The following DCAF8L2 variants were observed in gnomAD, a reference collection of about 807,000 sequenced individuals.
The protein encoded by DCAF8L2 is DDB1- and CUL4-associated factor 8-like protein 2.
For synonymous variants in DCAF8L2, 200 were observed against 190.9 expected (o/e 1.05, Z -0.39); for missense variants, 430 against 490.7 (o/e 0.88, Z 1.17).
At chrX:27,715,235 A>G (rs997066149) in intron 3 of DCAF8L2, among the ~76,000 whole-genome samples, 2 of 110,083 alleles carry the variant, frequency 1.8e-5, no homozygotes, top group African/African-American at 6.6e-5. Flanking sequence ...TACTAAAAAT[A>G]CAAAAAATTA....
At chrX:27,495,984 T>C in the DCAF8L2 span, among the ~76,000 whole-genome samples, 4 of 111,724 alleles carry the variant, frequency 3.6e-5, no homozygotes, top group African/African-American at 1.3e-4. Context: ...AATGATGACC[T>C]TGAATTTGTA....
At chrX:27,554,084 A>G in the DCAF8L2 span, among the ~76,000 whole-genome samples, 34 of 112,147 alleles carry the variant, frequency 3.0e-4, no homozygotes, top group African/African-American at 1.1e-3. Flanking sequence ...TTTACATTTT[A>G]AAAGGTTTTA....
the DCAF8L2 span, among the ~76,000 whole-genome samples, chrX:27,583,018 A>G: frequency 9.0e-6 from 1 of 111,569 alleles, no homozygotes; most frequent in Non-Finnish European, 1.9e-5. Context: ...AGTATTCATT[A>G]TTGGATCTCG....
chrX:27,535,829 C>T, the DCAF8L2 span, among the ~76,000 whole-genome samples: 1 of 111,608 alleles, frequency 9.0e-6, no homozygotes, highest in Non-Finnish European at 1.9e-5. Context: ...ATTTACCATA[C>T]CTGAGGCATA....
At chrX:27,630,182 A>C (rs754008834) in intron 1 of DCAF8L2, among the ~76,000 whole-genome samples, 40 of 112,022 alleles carry the variant, frequency 3.6e-4, no homozygotes, top group Non-Finnish European at 6.9e-4. Context: ...TTTAAAAACT[A>C]GTTCTAATAT....
At chrX:27,699,819 G>A (rs1931063932) in intron 3 of DCAF8L2, among the ~76,000 whole-genome samples, 1 of 111,055 alleles carries the variant, frequency 9.0e-6, no homozygotes, top group African/African-American at 3.3e-5. Context: ...TTGAGGCCAG[G>A]AGATGGAGAC....
At chrX:27,574,556 G>A in the DCAF8L2 span, among the ~76,000 whole-genome samples, 2 of 112,050 alleles carry the variant, frequency 1.8e-5, no homozygotes, top group African/African-American at 6.5e-5. Context: ...TGGGTTTACT[G>A]TGATACATGT....
intron 3 of DCAF8L2, among the ~76,000 whole-genome samples, chrX:27,705,028 A>G (rs759727458): frequency 1.8e-5 from 2 of 109,762 alleles, no homozygotes; most frequent in African/African-American, 6.6e-5. Flanking sequence ...TGTTCTCATC[A>G]TTTTGGCTTC....
At chrX:27,502,335 A>AAAAAATATATATAT in the DCAF8L2 span, among the ~76,000 whole-genome samples, 1 of 12,718 alleles carries the variant, frequency 7.9e-5, no homozygotes, top group Non-Finnish European at 1.5e-4. Context: ...AAAAAAAAAA[A>AAAAAATATATATAT]ATATATATAT....
chrX:27,747,282 A>AGAGGAGGAGGAGGAGGAGGAG lies in DCAF8L2; in HGVS notation c.414_434dup (p.Glu141_Glu147dup), dbSNP rs745536197. 4.5e-5 allele frequency: 42 copies of AGAGGAGGAGGAGGAGGAGGAG among 939,298 alleles called. No homozygotes were observed. In the African/African-American group the frequency reaches 5.7e-4, roughly 13 times the overall value. 77.4% of individuals were successfully genotyped at this position (939,298 alleles called of 1,213,427 possible). A position where few individuals can be genotyped will look rare whatever the true frequency, so the allele number is the denominator to read the frequency against. On this transcript the variant is annotated inframe_insertion, in exon 5 of 5. Transcript: ENST00000451261. ...AAGAGGAGGGAGGGGAGGAGGAGGA[A>AGAGGAGGAGGAGGAGGAGGAG]GAGGAGGAGGAGGAGGAGGAGGAGG... is the stretch of plus-strand genomic sequence containing the variant.
intron 4 of DCAF8L2, among the ~76,000 whole-genome samples, chrX:27,722,321 C>T (rs964724994): frequency 4.5e-5 from 5 of 111,202 alleles, no homozygotes; most frequent in African/African-American, 1.6e-4. Flanking sequence ...TTCTGATAAG[C>T]CCATCATAAG....
At chrX:27,555,399 G>C in the DCAF8L2 span, among the ~76,000 whole-genome samples, 5 of 111,829 alleles carry the variant, frequency 4.5e-5, no homozygotes, top group Admixed American at 1.9e-4. Flanking sequence ...TTCAGGTTCT[G>C]ACATTGGCCT....
At chrX:27,575,129 C>A in the DCAF8L2 span, among the ~76,000 whole-genome samples, 1 of 111,630 alleles carries the variant, frequency 9.0e-6, no homozygotes. Flanking sequence ...TCGACGGCCC[C>A]GGCTCTCCTC....
rs570672551 is a variant in DCAF8L2 at position 27,621,103 on chromosome X, T to C, written c.-341-10776T>C. Among the ~76,000 whole-genome samples the C allele has an allele frequency of 7.6e-4, 85 of 112,105 alleles. 1 individual carries two copies. Among genetic ancestry groups the C allele is most frequent in the African/African-American group, 2.7e-3 (83 of 30,890 alleles). On this transcript the variant is annotated intron_variant, in intron 1 of 4. Transcript: ENST00000451261. Reference sequence around the variant, plus strand: ...ACTGTACCATTCTACTTATATGAGATATTTAAAGTAATCACAGTCATAGAG... The same window carrying C: ...ACTGTACCATTCTACTTATATGAGACATTTAAAGTAATCACAGTCATAGAG...
the DCAF8L2 span, among the ~76,000 whole-genome samples, chrX:27,525,102 G>A: frequency 1.8e-5 from 2 of 111,080 alleles, no homozygotes; most frequent in Admixed American, 9.6e-5. Context: ...TTTCTGTCTC[G>A]TTGATCTGTC....
intron 1 of DCAF8L2, among the ~76,000 whole-genome samples, chrX:27,611,369 A>C (rs1478094618): frequency 9.3e-6 from 1 of 108,085 alleles, no homozygotes; most frequent in African/African-American, 3.4e-5. Context: ...TTATTCATAT[A>C]TATATATATA....
chrX:27,686,565 A>G (rs1459526868), intron 3 of DCAF8L2, among the ~76,000 whole-genome samples: 1 of 111,389 alleles, frequency 9.0e-6, no homozygotes, highest in Non-Finnish European at 1.9e-5. Context: ...AATGGTGGTT[A>G]CCAGAGGCTG....
intron 1 of DCAF8L2, among the ~76,000 whole-genome samples, chrX:27,599,825 A>G (rs1266534497): frequency 8.9e-6 from 1 of 112,027 alleles, no homozygotes; most frequent in African/African-American, 3.2e-5. Context: ...ATTATTATAC[A>G]AATTGCTACA....
At chrX:27,729,245 A>G (rs1414207756) in intron 4 of DCAF8L2, among the ~76,000 whole-genome samples, 2 of 111,641 alleles carry the variant, frequency 1.8e-5, no homozygotes, top group Non-Finnish European at 3.8e-5. Flanking sequence ...AAGTAGCTCT[A>G]GTGAGGTATA....
Sources: gnomAD v4.1 joint callset for allele counts (sites outside exome capture counted in the v4.1 genomes callset) on GRCh38, gnomAD v4.1.1 for gene constraint, MANE v1.5 for transcripts, NCBI Gene and HGNC (gene_info 2026-07-23, HGNC 2026-07-21) for gene names.